Variants in DPP6 observed in about 807,000 individuals in gnomAD.
DPP6 encodes dipeptidyl peptidase like 6.
DPP6 carries 69 observed loss-of-function variants against 122.6 expected under a neutral mutation model. That is an observed-to-expected ratio of 0.56 (90% CI 0.46 to 0.69). DPP6 has a LOEUF of 0.69. DPP6 is among the 30% of genes least tolerant of loss of function. The pLI, the probability that DPP6 is intolerant of heterozygous loss-of-function variation, is 0.00. For synonymous variants in DPP6, 418 were observed against 433.1 expected (o/e 0.97, Z 0.43); for missense variants, 928 against 1,116.9 (o/e 0.83, Z 2.41).
chr7:154,394,138 A>G (rs1044385066), intron 1 of DPP6, among the ~76,000 whole-genome samples: 1 of 152,134 alleles, frequency 6.6e-6, no homozygotes, highest in African/African-American at 2.4e-5. Flanking sequence ...TGGTTATTTC[A>G]TTTTTAATAT....
At chr7:153,926,270 T>C (rs1800896499) in intron 1 of DPP6, among the ~76,000 whole-genome samples, 1 of 152,226 alleles carries the variant, frequency 6.6e-6, no homozygotes, top group Non-Finnish European at 1.5e-5. Flanking sequence ...GAAGTTTAAA[T>C]TGTCTCATTA....
intron 1 of DPP6, among the ~76,000 whole-genome samples, chr7:153,987,852 C>T (rs1268812648): frequency 8.5e-5 from 13 of 152,122 alleles, no homozygotes; most frequent in Admixed American, 7.9e-4. Flanking sequence ...AAGGGGCCTT[C>T]GTCTGGGAAA....
intron 1 of DPP6, among the ~76,000 whole-genome samples, chr7:153,943,619 A>G (rs1243242712): frequency 2.0e-5 from 3 of 152,032 alleles, no homozygotes; most frequent in African/African-American, 2.4e-5. Flanking sequence ...TCCAGTGTCA[A>G]TCTCAGTTGC....
intron 1 of DPP6, among the ~76,000 whole-genome samples, chr7:153,919,967 T>C (rs376826122): frequency 4.6e-5 from 7 of 152,338 alleles, no homozygotes; most frequent in African/African-American, 1.7e-4. Context: ...GTAACGTCAC[T>C]AATAGTAATA....
At chr7:154,332,074 T>A (rs1808992758) in intron 1 of DPP6, among the ~76,000 whole-genome samples, 1 of 88,854 alleles carries the variant, frequency 1.1e-5, no homozygotes, top group Non-Finnish European at 2.1e-5. Flanking sequence ...CTTTTTAAAC[T>A]TTTTTTTTTT....
chr7:154,218,401 A>G (rs565428485), intron 1 of DPP6, among the ~76,000 whole-genome samples: 32 of 152,322 alleles, frequency 2.1e-4, no homozygotes, highest in African/African-American at 7.5e-4. Flanking sequence ...AAATCAGATT[A>G]CTTGGCTAAT....
At position 154,755,337 on chromosome 7, in the gene DPP6, C is replaced by G. The variant is rs1843610373; in HGVS notation, c.884-14080C>G. 2.0e-5 allele frequency among the ~76,000 whole-genome samples: 3 copies of G among 151,946 alleles called. No individual in the cohort carries two copies. Among genetic ancestry groups the G allele is most frequent in the African/African-American group, 7.3e-5 (3 of 41,366 alleles). On this transcript the variant is annotated intron_variant, in intron 8 of 25. Coordinates refer to ENST00000377770, the MANE Select transcript of DPP6 (RefSeq NM_130797.4). This position sits in a 1 kb window ranked among gnomAD's most constrained non-coding sequence, Gnocchi z 4.7. ...GCCCAGCATGCACAGGCTCAGAGCCCACAGGTGCACACTGGGGTTGTCATG... is the reference window on the plus strand; with the variant it reads ...GCCCAGCATGCACAGGCTCAGAGCCGACAGGTGCACACTGGGGTTGTCATG...
At chr7:154,459,890 C>T (rs970500790) in intron 2 of DPP6, among the ~76,000 whole-genome samples, 5 of 150,046 alleles carry the variant, frequency 3.3e-5, no homozygotes, top group South Asian at 2.1e-4. Flanking sequence ...ATTATTTTCT[C>T]ATACTGTCAG....
At chr7:154,539,555 A>G (rs1275853990) in intron 3 of DPP6, among the ~76,000 whole-genome samples, 9 of 152,034 alleles carry the variant, frequency 5.9e-5, no homozygotes, top group African/African-American at 1.9e-4. Context: ...TGGGTGCAGC[A>G]CACCAACATG....
At chr7:154,024,703 G>T (rs985783551) in intron 1 of DPP6, among the ~76,000 whole-genome samples, 2 of 152,160 alleles carry the variant, frequency 1.3e-5, no homozygotes, top group African/African-American at 4.8e-5. Flanking sequence ...AGGGTTTATT[G>T]TGTGACTCTT....
At chr7:154,127,449 G>A (rs1185454580) in intron 1 of DPP6, among the ~76,000 whole-genome samples, 2 of 152,084 alleles carry the variant, frequency 1.3e-5, no homozygotes, top group African/African-American at 2.4e-5. Context: ...CCTCATGCAC[G>A]GCCCTCACTA....
intron 4 of DPP6, among the ~76,000 whole-genome samples, chr7:154,554,110 T>A (rs938378688): frequency 1.3e-5 from 2 of 152,150 alleles, no homozygotes; most frequent in African/African-American, 4.8e-5. Context: ...CCCGAGTCTG[T>A]CTGATTCAAA....
At chr7:153,902,275 T>C (rs951635291) in intron 1 of DPP6, among the ~76,000 whole-genome samples, 2 of 152,192 alleles carry the variant, frequency 1.3e-5, no homozygotes, top group African/African-American at 4.8e-5. Context: ...AAATAGTTCA[T>C]CCTAACTTTA....
chr7:153,877,081 A>G, the DPP6 span, among the ~76,000 whole-genome samples: 1 of 152,046 alleles, frequency 6.6e-6, no homozygotes, highest in East Asian at 1.9e-4. Context: ...CCAACACTTT[A>G]CACTTAGGCT....
chr7:154,391,186 G>A (rs571720300), intron 1 of DPP6, among the ~76,000 whole-genome samples: 22 of 152,296 alleles, frequency 1.4e-4, no homozygotes, highest in African/African-American at 4.1e-4. Context: ...GCGTGGGGGC[G>A]GTTCTCAGTC....
At chr7:154,376,848 T>G (rs1813169780) in intron 1 of DPP6, among the ~76,000 whole-genome samples, 1 of 152,198 alleles carries the variant, frequency 6.6e-6, no homozygotes, top group South Asian at 2.1e-4. Flanking sequence ...ACTGGGGAAT[T>G]TTTCTCGTCT....
At chr7:154,865,778 G>A (rs760192782) in intron 17 of DPP6, among the ~76,000 whole-genome samples, 7 of 152,078 alleles carry the variant, frequency 4.6e-5, no homozygotes, top group Admixed American at 6.6e-5. Context: ...ACCTCTCCTC[G>A]GTCCTGTTTA....
intron 1 of DPP6, among the ~76,000 whole-genome samples, chr7:153,977,154 G>A (rs1796349178): frequency 6.6e-6 from 1 of 151,936 alleles, no homozygotes; most frequent in Non-Finnish European, 1.5e-5. Context: ...TGGCCCAAAG[G>A]TTAACATGGT....
At chr7:153,949,142 G>A (rs1165635197) in intron 1 of DPP6, among the ~76,000 whole-genome samples, 3 of 152,234 alleles carry the variant, frequency 2.0e-5, no homozygotes, top group South Asian at 2.1e-4. Context: ...ATCGGCATGA[G>A]CCGCACTGCA....
Sources: gnomAD v4.1 joint callset for allele counts (sites outside exome capture counted in the v4.1 genomes callset) on GRCh38, gnomAD v4.1.1 for gene constraint, Gnocchi (gnomAD v3.1) non-coding constraint, MANE v1.5 for transcripts, NCBI Gene and HGNC (gene_info 2026-07-23, HGNC 2026-07-21) for gene names.